BEND3: variants seen among roughly 807,000 people sequenced by gnomAD.
BEND3 encodes the protein BEN domain-containing protein 3.
A neutral mutation model predicts 60.1 loss-of-function variants in BEND3; 13 were observed. The observed-to-expected ratio is 0.22, with a 90% CI of 0.14 to 0.34. The LOEUF is 0.34. BEND3 is among the 10% of genes least tolerant of loss of function. The probability of loss-of-function intolerance (pLI) is 1.00; values close to 1 mark genes in which losing one functional copy is unlikely to be tolerated. For missense variants in BEND3, 896 were observed against 1,138.1 expected (o/e 0.79, Z 3.06); for synonymous variants, 497 against 491.5 (o/e 1.01, Z -0.15).
At position 107,066,785 on chromosome 6, in the gene BEND3, G is replaced by A. The variant is rs970726808; in HGVS notation, c.*1919C>T. 6.6e-6 allele frequency: 1 copy of A among 152,646 alleles called. No individual in the cohort carries two copies. Among genetic ancestry groups the A allele is most frequent in the East Asian group, 1.9e-4 (1 of 5,192 alleles). The allele number at this position is 152,646 out of a possible 1,614,324, so 9.5% of individuals were successfully genotyped here. On this transcript the variant is annotated 3_prime_UTR_variant, in exon 4 of 4. Coordinates refer to ENST00000369042, the MANE Select transcript of BEND3 (RefSeq NM_001367314.1). ...TAGGGTGCGTGTGTGTGCATGCTGT[G>A]TGCATGTGCTGGAGAGACTAAGGCA...
Position 107,068,758 on chromosome 6 carries a change from G to A in BEND3, c.2433C>T (p.Arg811=), listed in dbSNP as rs142053883. Residue 811 remains arginine (R), a synonymous_variant, in exon 4 of 4, where the codon CGC becomes CGT. Coordinates refer to ENST00000369042, the MANE Select transcript of BEND3 (RefSeq NM_001367314.1). This position sits in a 1 kb window ranked among gnomAD's most constrained non-coding sequence, Gnocchi z 5.8. ...CIPSIDERCR[R]PNRKKCDILK... ...GGATGTCGCATTTTTTCCTGTTGGG[G>A]CGGCGGCACCTCTCATCGATGCTGG... 200 of 1,613,912 alleles carry A rather than the reference G, an allele frequency of 1.2e-4. No individual in the cohort carries two copies. In the African/African-American group the frequency reaches 2.3e-3, roughly 18 times the overall value.
intron 3 of BEND3, among the ~76,000 whole-genome samples, chr6:107,093,415 C>T (rs1261156962): frequency 6.6e-6 from 1 of 151,208 alleles, no homozygotes. Context: ...GAGCCAAGAT[C>T]GCGCCACTGC....
At chr6:107,095,405 C>T (rs545689648) in intron 3 of BEND3, among the ~76,000 whole-genome samples, 7 of 152,094 alleles carry the variant, frequency 4.6e-5, no homozygotes, top group South Asian at 4.1e-4. Flanking sequence ...GGTCAAAATC[C>T]GAACACTGAC....
intron 3 of BEND3, among the ~76,000 whole-genome samples, chr6:107,083,230 C>T (rs1012804307): frequency 2.0e-5 from 3 of 152,154 alleles, no homozygotes; most frequent in Non-Finnish European, 4.4e-5. Context: ...AACTGCCATC[C>T]AGGCGTGAAA....
rs1191014518 is a variant in BEND3 at position 107,065,605 on chromosome 6, C to T, written c.*3099G>A. 6.6e-6 allele frequency: 1 copy of T among 152,212 alleles called. No individual in the cohort carries two copies. Among genetic ancestry groups the T allele is most frequent in the Non-Finnish European group, 1.5e-5 (1 of 68,054 alleles). 9.4% of individuals were successfully genotyped at this position (152,212 alleles called of 1,614,324 possible). ...ACCTCCACTCGGGAGTCTCGAGATC[C>T]CCTCTTGACTGGGAAAGAAGCAAAC... On this transcript the variant is annotated 3_prime_UTR_variant, in exon 4 of 4. Coordinates refer to ENST00000369042, the MANE Select transcript of BEND3 (RefSeq NM_001367314.1).
At chr6:107,087,680 TGAGC>T (rs1775381466) in intron 3 of BEND3, among the ~76,000 whole-genome samples, 2 of 150,794 alleles carry the variant, frequency 1.3e-5, no homozygotes, top group South Asian at 4.2e-4. Flanking sequence ...GAGGTTGCAG[TGAGC>T]TGAGATTGTG....
At chr6:107,085,527 T>C (rs1367710779) in intron 3 of BEND3, among the ~76,000 whole-genome samples, 1 of 152,216 alleles carries the variant, frequency 6.6e-6, no homozygotes, top group Non-Finnish European at 1.5e-5. Flanking sequence ...AGTCTCACTC[T>C]GTCGCCCAGG....
chr6:107,084,204 G>A (rs1775292735), intron 3 of BEND3, among the ~76,000 whole-genome samples: 1 of 152,240 alleles, frequency 6.6e-6, no homozygotes, highest in South Asian at 2.1e-4. Flanking sequence ...ACTTCCACAG[G>A]AACCAGCACT....
rs1485375038 is a variant in BEND3 at position 107,068,433 on chromosome 6, G to C, written c.*271C>G. On this transcript the variant is annotated 3_prime_UTR_variant, in exon 4 of 4. Coordinates refer to ENST00000369042, the MANE Select transcript of BEND3 (RefSeq NM_001367314.1). The surrounding 1 kb of genome is among the most constrained non-coding windows in gnomAD (Gnocchi z 5.8). ...CAGGGAGAGAGGACCCCTAACCTCT[G>C]GTCCCTGCCCTCACAGCTTGCTCTC... The C allele has an allele frequency of 7.0e-6, 3 of 429,262 alleles. No homozygotes were observed. The highest frequency in any genetic ancestry group is 1.2e-5 in the Non-Finnish European group (3 of 241,628). 26.6% of individuals were successfully genotyped at this position (429,262 alleles called of 1,614,324 possible).
chr6:107,082,169 T>C (rs1349854100), intron 3 of BEND3, among the ~76,000 whole-genome samples: 5 of 152,284 alleles, frequency 3.3e-5, no homozygotes, highest in Admixed American at 2.6e-4. Context: ...CTAGCACATG[T>C]GATGCAAGCA....
At chr6:107,078,546 C>T (rs1554233040) in intron 3 of BEND3, among the ~76,000 whole-genome samples, 3 of 18,180 alleles carry the variant, frequency 1.7e-4, no homozygotes, top group African/African-American at 2.3e-4. Flanking sequence ...GCTCTGCCTC[C>T]TGGGTTCATG....
intron 3 of BEND3, among the ~76,000 whole-genome samples, chr6:107,093,318 G>A (rs1304248556): frequency 7.9e-5 from 12 of 152,134 alleles, no homozygotes; most frequent in South Asian, 4.2e-4. Flanking sequence ...AAAATTAGCC[G>A]GGCGTGGTGG....
intron 3 of BEND3, among the ~76,000 whole-genome samples, chr6:107,073,457 T>G (rs561180611): frequency 1.3e-5 from 2 of 151,564 alleles, no homozygotes; most frequent in Non-Finnish European, 2.9e-5. Flanking sequence ...TCAAACTGCA[T>G]GATGGTTGTG....
At chr6:107,077,528 C>A (rs1775124924) in intron 3 of BEND3, among the ~76,000 whole-genome samples, 1 of 152,120 alleles carries the variant, frequency 6.6e-6, no homozygotes, top group South Asian at 2.1e-4. Flanking sequence ...CTGCTGCCAA[C>A]ACTATATGGT....
rs1774866778 is a variant in BEND3, at chr6:107,067,950, TTC to T, written c.*752_*753del. On this transcript the variant is annotated 3_prime_UTR_variant, in exon 4 of 4. Transcript: ENST00000369042. Reference sequence around the variant, plus strand: ...GAACGTGTTTCCACGGCTGTCTACATTCATATCATCATCATCCAGTGTTCTCG... The same window carrying T: ...GAACGTGTTTCCACGGCTGTCTACATATATCATCATCATCCAGTGTTCTCG... 1 of 152,136 alleles carries T rather than the reference TTC, an allele frequency of 6.6e-6. No individual in the cohort carries two copies. Among genetic ancestry groups the T allele is most frequent in the African/African-American group, 2.4e-5 (1 of 41,412 alleles). 9.4% of individuals were successfully genotyped at this position (152,136 alleles called of 1,614,324 possible). A position where few individuals can be genotyped will look rare whatever the true frequency, so the allele number is the denominator to read the frequency against.
At chr6:107,105,952 A>C (rs1173178863) in intron 1 of BEND3, 1 of 152,296 alleles carries the variant, frequency 6.6e-6, no homozygotes, top group African/African-American at 2.4e-5. Context: ...TTGGAACCTG[A>C]AACAATAGGG....
chr6:107,069,195 C>T lies in BEND3; in HGVS notation c.1996G>A (p.Glu666Lys). 6.2e-7 allele frequency: 1 copy of T among 1,612,556 alleles called. No homozygotes were observed. The highest frequency in any genetic ancestry group is 8.5e-7 in the Non-Finnish European group (1 of 1,180,024). The stretch of plus-strand genomic sequence containing the variant: ...GCATAGCTGGTCAAGTCTCTGCACT[C>T]AGGGCCCGGCACGTGGACCTTGCGC... The part of the protein sequence containing the change: ...QQRKVHVPGP[E>K]CRDLTSYAIN... Residue 666 changes from glutamate to lysine, a missense_variant, in exon 4 of 4, where the codon GAG (glutamate) becomes AAG (lysine). This residue lies in a region of BEND3 where 846 missense variants were observed against 1,036.7 expected (regional missense o/e 0.82). Coordinates refer to ENST00000369042, the MANE Select transcript of BEND3 (RefSeq NM_001367314.1).
At chr6:107,114,805 C>G (rs1437135626) in intron 1 of BEND3, among the ~76,000 whole-genome samples, 1 of 147,548 alleles carries the variant, frequency 6.8e-6, no homozygotes, top group African/African-American at 2.4e-5. Flanking sequence ...CGCGTGCTCC[C>G]CAGAACGCCA....
chr6:107,103,955 AAAAAAAAG>A (rs1775756551), intron 1 of BEND3, among the ~76,000 whole-genome samples: 1 of 125,688 alleles, frequency 8.0e-6, no homozygotes, highest in African/African-American at 2.9e-5. Flanking sequence ...TCTCAAAAAA[AAAAAAAAG>A]AAAGAAAGAA....
Sources: allele counts gnomAD v4.1 joint callset (sites outside exome capture counted in the v4.1 genomes callset), GRCh38; gene constraint gnomAD v4.1.1; regional missense constraint gnomAD v4.1.1; non-coding constraint Gnocchi (gnomAD v3.1); transcripts MANE v1.5; gene names NCBI Gene and HGNC (gene_info 2026-07-23, HGNC 2026-07-21).